OR1D2: variants seen among roughly 807,000 people sequenced by gnomAD.
OR1D2 encodes the protein olfactory receptor family 1 subfamily D member 2.
For missense variants in OR1D2, 357 were observed against 376.1 expected, an observed-to-expected ratio of 0.95 and a Z score of 0.42; for synonymous variants, 157 against 153.9, an observed-to-expected ratio of 1.02 and a Z score of -0.15.
intron 1 of OR1D2, among the ~76,000 whole-genome samples, chr17:3,100,707 C>T (rs973260141): frequency 6.6e-6 from 1 of 151,966 alleles, no homozygotes; most frequent in Non-Finnish European, 1.5e-5. Context: ...CACAAAAAAA[C>T]CCTTCAAAAA....
In OR1D2 at chr17:3,092,505, G is replaced by C. The variant is rs754120201; in HGVS notation, c.492C>G (p.Thr164=). 25 of 1,614,174 alleles carry C rather than the reference G, an allele frequency of 1.5e-5. No homozygotes were observed. Among genetic ancestry groups the C allele is most frequent in the Non-Finnish European group, 2.0e-5 (24 of 1,180,046 alleles). Residue 164 remains threonine, a synonymous_variant, in exon 2 of 2, where the codon ACC becomes ACG. Transcript: ENST00000641833. The part of the protein sequence containing the change: ...LYGLIHTLLM[T]RVTFCGSRKI... ...TTCGTGACCCACAGAAGGTCACTCTGGTCATGAGGAGGGTGTGTATGAGGC... is the reference window on the plus strand; with the variant it reads ...TTCGTGACCCACAGAAGGTCACTCTCGTCATGAGGAGGGTGTGTATGAGGC...
At chr17:3,100,150 T>G (rs1020185628) in intron 1 of OR1D2, among the ~76,000 whole-genome samples, 6 of 152,128 alleles carry the variant, frequency 3.9e-5, no homozygotes, top group African/African-American at 1.4e-4. Flanking sequence ...AACAAAGATA[T>G]TCAGGACTTG....
At chr17:3,103,429 C>G (rs1221509521) in intron 1 of OR1D2, among the ~76,000 whole-genome samples, 1 of 152,216 alleles carries the variant, frequency 6.6e-6, no homozygotes, top group African/African-American at 2.4e-5. Flanking sequence ...TTGTAACCCA[C>G]AAGGCAAGCA....
In OR1D2 at chr17:3,092,385, G is replaced by A. The variant is rs756318673; in HGVS notation, c.612C>T (p.Cys204=). 1.9e-6 allele frequency: 3 copies of A among 1,614,080 alleles called. No homozygotes were observed. Among genetic ancestry groups the A allele is most frequent in the Non-Finnish European group, 2.5e-6 (3 of 1,180,042 alleles). Residue 204 remains cysteine (C), a synonymous_variant, in exon 2 of 2, where the codon TGC becomes TGT. Transcript: ENST00000641833. ...ATCCAAAGGGAATGAGGAAGATGAA[G>A]CAGCCTGTGGCAATCAGCACTGTGT... ...INHTVLIATG[C]FIFLIPFGFV...
rs74364599 is a variant in OR1D2 at position 3,092,597 on chromosome 17, T to C, written c.400A>G (p.Thr134Ala). The C allele has an allele frequency of 5.6e-6, 9 of 1,613,746 alleles. No homozygotes were observed. Among genetic ancestry groups the C allele is most frequent in the Non-Finnish European group, 7.6e-6 (9 of 1,179,940 alleles). Residue 134 changes from threonine (T) to alanine (A), a missense_variant, in exon 2 of 2, where the codon ACA becomes GCA. Thr to Ala is a moderately conservative substitution (Grantham distance 58, BLOSUM62 0). Coordinates refer to ENST00000641833, the MANE Select transcript of OR1D2 (RefSeq NM_002548.3). ...ATACAGAGCTTAGGGCTCATGGCTG[T>C]GGTGTAGTGGAGGGGGCAGCAGATG... ...VAICCPLHYT[T>A]AMSPKLCILL...
At chr17:3,098,374 C>T (rs375455997) in intron 1 of OR1D2, among the ~76,000 whole-genome samples, 5 of 152,172 alleles carry the variant, frequency 3.3e-5, no homozygotes, top group East Asian at 3.9e-4. Context: ...GGCACAGCAG[C>T]GAACCAGATG....
At chr17:3,103,559 G>A (rs927712548) in intron 1 of OR1D2, among the ~76,000 whole-genome samples, 1 of 152,200 alleles carries the variant, frequency 6.6e-6, no homozygotes, top group African/African-American at 2.4e-5. Context: ...CTGTTTCTGA[G>A]AACCAAGTTC....
At chr17:3,094,229 C>G (rs766111444) in intron 1 of OR1D2, among the ~76,000 whole-genome samples, 2 of 152,100 alleles carry the variant, frequency 1.3e-5, no homozygotes, top group Non-Finnish European at 2.9e-5. Context: ...ATTGAGATAA[C>G]TGTGTAATTA....
Position 3,092,063 on chromosome 17 carries a change from T to A in OR1D2, c.934A>T (p.Thr312Ser). The change falls in exon 2 of 2, where the codon ACA becomes TCA. Residue 312 changes from threonine (T) to serine (S), a missense_variant. Thr to Ser is a moderately conservative substitution (Grantham distance 58, BLOSUM62 1). Coordinates refer to ENST00000641833, the MANE Select transcript of OR1D2 (RefSeq NM_002548.3). ...RLLDKHFKRL[T>S] is the part of the protein sequence containing the mutation. ...GCTGTCTTTCCAAATTGCCCTCATG[T>A]CAGCCTCTTAAAGTGTTTATCTAGG... is the stretch of plus-strand genomic sequence containing the variant. 1 of 1,603,596 alleles carries A rather than the reference T, an allele frequency of 6.2e-7. No homozygotes were observed. The highest frequency in any genetic ancestry group is 8.5e-7 in the Non-Finnish European group (1 of 1,175,076).
chr17:3,091,740 G>T lies in OR1D2; in HGVS notation c.*318C>A. The T allele has an allele frequency of 4.2e-6, 1 of 238,100 alleles. No individual in the cohort carries two copies. The highest frequency in any genetic ancestry group is 8.2e-6 in the Non-Finnish European group (1 of 121,506). 14.7% of individuals were successfully genotyped at this position (238,100 alleles called of 1,614,324 possible). A position where few individuals can be genotyped will look rare whatever the true frequency, so the allele number is the denominator to read the frequency against. On this transcript the variant is annotated 3_prime_UTR_variant, in exon 2 of 2. Coordinates refer to ENST00000641833, the MANE Select transcript of OR1D2 (RefSeq NM_002548.3). The stretch of plus-strand genomic sequence containing the variant: ...CTTTCTGTACTTTGGATGTGTGCTA[G>T]ATGAGAGACACTTCTAGGTTTAAAC...
rs1329074591 is a variant in OR1D2 at position 3,093,042 on chromosome 17, A to G, written c.-46T>C. 11 of 1,554,214 alleles carry G rather than the reference A, an allele frequency of 7.1e-6. No individual in the cohort carries two copies. The highest frequency in any genetic ancestry group is 9.7e-6 in the Non-Finnish European group (11 of 1,134,422). On this transcript the variant is annotated 5_prime_UTR_variant, in exon 2 of 2. Coordinates refer to ENST00000641833, the MANE Select transcript of OR1D2 (RefSeq NM_002548.3). ...ATTAACACCAGCAAATGTTTACCAA[A>G]AGTCCTTAATTGAATAAAAACATGA...
rs201537652 is a variant in OR1D2, at chr17:3,092,613, G to A, written c.384C>T (p.Cys128=). The change falls in exon 2 of 2, where the codon TGC becomes TGT. Residue 128 remains cysteine, a synonymous_variant. Transcript: ENST00000641833. ...TCATGGCTGTGGTGTAGTGGAGGGG[G>A]CAGCAGATGGCCACATAGCGGTCAT... The part of the protein sequence containing the change: ...MAYDRYVAIC[C]PLHYTTAMSP... 4.5e-5 allele frequency: 73 copies of A among 1,613,982 alleles called. No homozygotes were observed. Among genetic ancestry groups the A allele is most frequent in the Non-Finnish European group, 5.8e-5 (68 of 1,180,034 alleles).
rs2047886934 is a variant in OR1D2 at position 3,104,130 on chromosome 17, T to C, written c.-82A>G. ...CACTGCTCTGTGCTGCTCTCAGAGTTCACTGGTTCAGCTTCCTCCACGTTC... is the reference window on the plus strand; with the variant it reads ...CACTGCTCTGTGCTGCTCTCAGAGTCCACTGGTTCAGCTTCCTCCACGTTC... On this transcript the variant is annotated 5_prime_UTR_variant, in exon 1 of 2. Transcript: ENST00000641833. 1 of 152,186 alleles carries C rather than the reference T, an allele frequency of 6.6e-6. No homozygotes were observed. Among genetic ancestry groups the C allele is most frequent in the African/African-American group, 2.4e-5 (1 of 41,424 alleles). 9.4% of individuals were successfully genotyped at this position (152,186 alleles called of 1,614,324 possible).
rs1286215370 is a variant in OR1D2, at chr17:3,092,730, G to T, written c.267C>A (p.Asn89Lys). 7.4e-6 allele frequency: 12 copies of T among 1,614,128 alleles called. No homozygotes were observed. Among genetic ancestry groups the T allele is most frequent in the Non-Finnish European group, 1.0e-5 (12 of 1,180,032 alleles). ...PKMLVNLQSHNKAISYAGCLT... is the reference protein window; with the variant it reads ...PKMLVNLQSHKKAISYAGCLT... ...GACACCCTGCATAGGAGATGGCTTTGTTATGGGACTGGAGGTTCACCAGCA... is the reference window on the plus strand; with the variant it reads ...GACACCCTGCATAGGAGATGGCTTTTTTATGGGACTGGAGGTTCACCAGCA... Residue 89 changes from asparagine (N) to lysine (K), a missense_variant, in exon 2 of 2, where the codon AAC becomes AAA. Transcript: ENST00000641833.
In OR1D2 at chr17:3,090,192, G is replaced by GT. The variant is rs1246784370; in HGVS notation, c.*1865dup. 8 of 152,136 alleles carry GT rather than the reference G, an allele frequency of 5.3e-5. No individual in the cohort carries two copies. Among genetic ancestry groups the GT allele is most frequent in the African/African-American group, 1.7e-4 (7 of 41,408 alleles). 9.4% of individuals were successfully genotyped at this position (152,136 alleles called of 1,614,324 possible). ...TCTTACTAGTACTTTCAAATGACCT[G>GT]TTTTTGAGTAGTGAATTCTTTCTTC... On this transcript the variant is annotated 3_prime_UTR_variant, in exon 2 of 2. Transcript: ENST00000641833.
intron 1 of OR1D2, among the ~76,000 whole-genome samples, chr17:3,103,824 G>A (rs1454650561): frequency 6.6e-6 from 1 of 152,022 alleles, no homozygotes; most frequent in Non-Finnish European, 1.5e-5. Flanking sequence ...TAGGGCCCAC[G>A]ACCTGCCTAA....
intron 1 of OR1D2, among the ~76,000 whole-genome samples, chr17:3,096,302 T>A (rs965714324): frequency 2.6e-5 from 4 of 152,146 alleles, no homozygotes; most frequent in Admixed American, 1.3e-4. Flanking sequence ...TCAGAGTGGA[T>A]AAAAACATGA....
intron 1 of OR1D2, among the ~76,000 whole-genome samples, chr17:3,099,019 A>G (rs1354468392): frequency 6.6e-6 from 1 of 152,170 alleles, no homozygotes; most frequent in East Asian, 1.9e-4. Context: ...TCCAAGAAAT[A>G]TGGACTACGT....
At chr17:3,102,349 G>A (rs2047878707) in intron 1 of OR1D2, among the ~76,000 whole-genome samples, 1 of 152,124 alleles carries the variant, frequency 6.6e-6, no homozygotes, top group South Asian at 2.1e-4. Flanking sequence ...GATGTCCACG[G>A]TAGGTGGCAT....
Sources: gnomAD v4.1 joint callset for allele counts (sites outside exome capture counted in the v4.1 genomes callset) on GRCh38, gnomAD v4.1.1 for gene constraint, MANE v1.5 for transcripts, NCBI Gene and HGNC (gene_info 2026-07-23, HGNC 2026-07-21) for gene names.